Variants in FER1L6 observed in about 807,000 individuals in gnomAD.
FER1L6 encodes the protein fer-1-like protein 6.
In FER1L6, 177 loss-of-function variants were observed where a neutral mutation model predicts 219.2. The observed-to-expected ratio is 0.81, with a 90% CI of 0.71 to 0.91. The LOEUF is 0.91. FER1L6 is among the 40% of genes least tolerant of loss of function. The pLI, the probability that FER1L6 is intolerant of heterozygous loss-of-function variation, is 0.00. For missense variants in FER1L6, 2,153 were observed against 2,259.9 expected (o/e 0.95, Z 0.96); for synonymous variants, 768 against 824.3 (o/e 0.93, Z 1.17).
At chr8:123,949,559 C>G (rs1814664563) in intron 1 of FER1L6, among the ~76,000 whole-genome samples, 1 of 152,156 alleles carries the variant, frequency 6.6e-6, no homozygotes. Context: ...AATACTACCT[C>G]AATTGCTGGT....
intron 1 of FER1L6, among the ~76,000 whole-genome samples, chr8:123,945,272 T>C (rs149487902): frequency 3.2e-4 from 48 of 152,260 alleles, no homozygotes; most frequent in African/African-American, 1.1e-3. Context: ...CCTGGAGAAG[T>C]TGACAGGACT....
intron 36 of FER1L6, 71 bp downstream of exon 36, chr8:124,097,430 T>C: frequency 8.8e-7 from 1 of 1,137,970 alleles, no homozygotes; most frequent in East Asian, 2.4e-5. Context: ...TGACATTTTA[T>C]CTGGTGTCTG....
chr8:123,872,313 G>A (rs775796070), intron 1 of FER1L6, among the ~76,000 whole-genome samples: 11 of 152,074 alleles, frequency 7.2e-5, no homozygotes, highest in Non-Finnish European at 1.6e-4. Flanking sequence ...CTATATCACC[G>A]TCATTCTAGT....
chr8:123,879,832 C>T (rs950693372), intron 1 of FER1L6, among the ~76,000 whole-genome samples: 9 of 152,178 alleles, frequency 5.9e-5, no homozygotes, highest in Non-Finnish European at 1.2e-4. Flanking sequence ...ACTCCCAGCT[C>T]TGCCAGGGAG....
chr8:124,045,919 C>G lies in FER1L6; in HGVS notation c.2724+18C>G, dbSNP rs756673269. 1 of 1,611,716 alleles carries G rather than the reference C, an allele frequency of 6.2e-7. No homozygotes were observed. The highest frequency in any genetic ancestry group is 8.5e-7 in the Non-Finnish European group (1 of 1,179,168). On this transcript the variant is annotated intron_variant, in intron 21 of 40. Transcript: ENST00000522917. The stretch of plus-strand genomic sequence containing the variant: ...ACGCTGTGGTGAGTGTCCCCCTGGG[C>G]CAGTGCTGACCACACCTCATAAAAA...
At chr8:123,912,323 C>T (rs1346740760) in intron 1 of FER1L6, among the ~76,000 whole-genome samples, 1 of 152,008 alleles carries the variant, frequency 6.6e-6, no homozygotes, top group Non-Finnish European at 1.5e-5. Context: ...GTAAGAAGAT[C>T]ATAGCCTTCA....
At chr8:123,856,220 GTATGAGATATA>G in intron 1 of FER1L6, among the ~76,000 whole-genome samples, 1 of 103,664 alleles carries the variant, frequency 9.6e-6, no homozygotes, top group African/African-American at 3.4e-5. Flanking sequence ...ATACATATGT[GTATGAGATATA>G]TGTATATACA....
intron 1 of FER1L6, among the ~76,000 whole-genome samples, chr8:123,898,657 A>G (rs1250028050): frequency 7.0e-6 from 1 of 142,564 alleles, no homozygotes; most frequent in African/African-American, 2.7e-5. Flanking sequence ...ATATATATAT[A>G]TGTATATATA....
At chr8:123,942,765 CAA>C (rs1814293905) in intron 1 of FER1L6, among the ~76,000 whole-genome samples, 1 of 152,178 alleles carries the variant, frequency 6.6e-6, no homozygotes, top group South Asian at 2.1e-4. Flanking sequence ...ATTATATCTG[CAA>C]AGATTCTTTT....
At chr8:123,893,210 G>C (rs979360823) in intron 1 of FER1L6, among the ~76,000 whole-genome samples, 1 of 152,006 alleles carries the variant, frequency 6.6e-6, no homozygotes. Flanking sequence ...TGCTTCTTTG[G>C]GGGAGTTCAC....
chr8:124,100,614 A>T (rs1822506857), intron 37 of FER1L6, among the ~76,000 whole-genome samples: 1 of 152,168 alleles, frequency 6.6e-6, no homozygotes, highest in African/African-American at 2.4e-5. Context: ...GACCAATTAT[A>T]GTCTGATGGC....
At chr8:123,986,273 T>G (rs929995397) in intron 12 of FER1L6, 97 bp downstream of exon 12, 2 of 711,800 alleles carry the variant, frequency 2.8e-6, no homozygotes, top group African/African-American at 3.6e-5. Context: ...ATAATAGCAC[T>G]CTGGTGGAGG....
rs1816577079 is a variant in FER1L6 at position 123,853,925 on chromosome 8, T to C, written c.-8+1740T>C. ...GACAGGGCAGCAGAAGGTGCACCTC[T>C]GAGGAGCAAAGGATGCAGGGCTTCT... On this transcript the variant is annotated intron_variant, in intron 1 of 40. Coordinates refer to ENST00000522917, the MANE Select transcript of FER1L6 (RefSeq NM_001039112.2). The surrounding 1 kb of genome is among the most constrained non-coding windows in gnomAD (Gnocchi z 6.6). Among the ~76,000 whole-genome samples the C allele has an allele frequency of 6.6e-6, 1 of 152,164 alleles. No individual in the cohort carries two copies. The highest frequency in any genetic ancestry group is 2.1e-4 in the South Asian group (1 of 4,822).
At chr8:123,867,973 T>C (rs1386688644) in intron 1 of FER1L6, among the ~76,000 whole-genome samples, 1 of 152,220 alleles carries the variant, frequency 6.6e-6, no homozygotes, top group East Asian at 1.9e-4. Flanking sequence ...TTATTCTAAA[T>C]TTCAGGAGCA....
At chr8:124,073,920 T>C (rs1209958459) in intron 31 of FER1L6, among the ~76,000 whole-genome samples, 1 of 152,228 alleles carries the variant, frequency 6.6e-6, no homozygotes, top group African/African-American at 2.4e-5. Context: ...CTGTTTTGCA[T>C]TGTGTTTCTT....
At chr8:124,049,480 G>T (rs991825648) in intron 21 of FER1L6, 127 bp from the exon 22 acceptor site, 1 of 1,102,004 alleles carries the variant, frequency 9.1e-7, no homozygotes. Flanking sequence ...CTTGGCAGGA[G>T]AAAAGAGTGA....
intron 1 of FER1L6, among the ~76,000 whole-genome samples, chr8:123,953,557 C>T (rs376502679): frequency 6.6e-6 from 1 of 152,214 alleles, no homozygotes; most frequent in South Asian, 2.1e-4. Flanking sequence ...ATGACAGCGT[C>T]TTCAGCCATG....
At chr8:124,084,807 C>A (rs1821716931) in intron 33 of FER1L6, among the ~76,000 whole-genome samples, 1 of 151,950 alleles carries the variant, frequency 6.6e-6, no homozygotes, top group Non-Finnish European at 1.5e-5. Flanking sequence ...GGAAGTATAT[C>A]CTTTTTCTTT....
intron 27 of FER1L6, 119 bp downstream of exon 27, chr8:124,066,669 G>T: frequency 8.9e-7 from 1 of 1,120,148 alleles, no homozygotes; most frequent in Non-Finnish European, 1.3e-6. Flanking sequence ...CCCTACTCAG[G>T]TGTGGTTCTG....
Sources: allele counts gnomAD v4.1 joint callset (sites outside exome capture counted in the v4.1 genomes callset), GRCh38; gene constraint gnomAD v4.1.1; non-coding constraint Gnocchi (gnomAD v3.1); transcripts MANE v1.5; gene names NCBI Gene and HGNC (gene_info 2026-07-23, HGNC 2026-07-21).